WIPF1: variants seen among roughly 807,000 people sequenced by gnomAD.
The protein encoded by WIPF1 is WAS/WASL interacting protein family member 1.
A neutral mutation model predicts 35.4 loss-of-function variants in WIPF1; 13 were observed. That is an observed-to-expected ratio of 0.37 (90% confidence interval 0.24 to 0.58). WIPF1 has a LOEUF of 0.58. Ranked by LOEUF, WIPF1 falls within the 20% of genes least tolerant of loss-of-function variation. The pLI, the probability that WIPF1 is intolerant of heterozygous loss-of-function variation, is 0.74. For missense variants in WIPF1, 591 were observed against 667.0 expected (o/e 0.89, Z 1.25); for synonymous variants, 267 against 266.3 (o/e 1.00, Z -0.02).
intron 1 of WIPF1, among the ~76,000 whole-genome samples, chr2:174,631,739 T>C (rs1366094852): frequency 6.6e-6 from 1 of 152,204 alleles, no homozygotes; most frequent in Admixed American, 6.5e-5. Flanking sequence ...GGCCTCCAGA[T>C]TTGTTCATGC....
upstream of WIPF1, among the ~76,000 whole-genome samples, chr2:174,600,580 C>T (rs1251628217): frequency 6.6e-6 from 1 of 152,216 alleles, no homozygotes; most frequent in African/African-American, 2.4e-5. Context: ...GCCTGGTACA[C>T]TCATCTTTTT....
At chr2:174,589,375 G>A (rs1257035320) in intron 1 of WIPF1, among the ~76,000 whole-genome samples, 2 of 152,216 alleles carry the variant, frequency 1.3e-5, no homozygotes, top group Non-Finnish European at 2.9e-5. Flanking sequence ...CCCTATTTCA[G>A]AGGGGCTTGC....
intron 1 of WIPF1, among the ~76,000 whole-genome samples, chr2:174,654,420 G>A (rs1215093903): frequency 6.6e-6 from 1 of 151,986 alleles, no homozygotes; most frequent in Non-Finnish European, 1.5e-5. Context: ...TTTATATAAA[G>A]AGAAAGCTTG....
At chr2:174,599,891 T>C (rs190375411), upstream of WIPF1, among the ~76,000 whole-genome samples, 90 of 152,098 alleles carry the variant, frequency 5.9e-4, 1 homozygote, top group Non-Finnish European at 1.0e-3. Flanking sequence ...GAGTGGTCCC[T>C]AACCTTTTTG....
intron 1 of WIPF1, among the ~76,000 whole-genome samples, chr2:174,658,375 G>A (rs1036137724): frequency 6.6e-6 from 1 of 152,198 alleles, no homozygotes; most frequent in African/African-American, 2.4e-5. Flanking sequence ...TTAATTGGGT[G>A]AGTAGATGAA....
intron 2 of WIPF1, among the ~76,000 whole-genome samples, chr2:174,583,059 G>C (rs1685289295): frequency 6.6e-6 from 1 of 152,158 alleles, no homozygotes; most frequent in Admixed American, 6.5e-5. Context: ...TGGCAGTCAA[G>C]AGCCTTCCCT....
Position 174,616,323 on chromosome 2 carries a change from C to T in WIPF1, c.-38-30712G>A, listed in dbSNP as rs555029360. Reference sequence around the variant, plus strand: ...AGGTCAAGATGGAATAAAGAAAATACACTGAAAGAGAATCATGTGTCTATA... The same window carrying T: ...AGGTCAAGATGGAATAAAGAAAATATACTGAAAGAGAATCATGTGTCTATA... On this transcript the variant is annotated intron_variant, in intron 1 of 8. Coordinates refer to the WIPF1 transcript ENST00000272746. Among the ~76,000 whole-genome samples, 4 of 152,240 alleles carry T rather than the reference C, an allele frequency of 2.6e-5. No individual in the cohort carries two copies. The South Asian group carries it at 8.3e-4, about 32-fold the overall frequency.
In WIPF1 at chr2:174,616,379, C is replaced by A. The variant is rs78408290; in HGVS notation, c.-38-30768G>T. Among the ~76,000 whole-genome samples the A allele has an allele frequency of 7.6e-3, 1,154 of 152,280 alleles. 57 individuals carry two copies. The East Asian group carries it at 0.13, about 17-fold the overall frequency. ...ATTTCACACCTTCCTCTTCACGAGA[C>A]AGGGAGGCCTCGACCCCTGCTGGAA... is the stretch of plus-strand genomic sequence containing the variant. On this transcript the variant is annotated intron_variant, in intron 1 of 8. Coordinates refer to the WIPF1 transcript ENST00000272746.
At chr2:174,620,774 C>T (rs190632705) in intron 1 of WIPF1, among the ~76,000 whole-genome samples, 1 of 152,228 alleles carries the variant, frequency 6.6e-6, no homozygotes. Flanking sequence ...CACATGATGC[C>T]GTGGGGGTGC....
At chr2:174,634,349 G>A (rs752025437) in intron 1 of WIPF1, among the ~76,000 whole-genome samples, 5 of 152,194 alleles carry the variant, frequency 3.3e-5, no homozygotes, top group Non-Finnish European at 7.3e-5. Flanking sequence ...ATGGCTCAGC[G>A]TTTGTTCCTC....
chr2:174,618,987 G>C (rs1202099235), intron 1 of WIPF1, among the ~76,000 whole-genome samples: 1 of 152,044 alleles, frequency 6.6e-6, no homozygotes, highest in Non-Finnish European at 1.5e-5. Flanking sequence ...TTGAGAAAGG[G>C]TCTCACTGTG....
rs554240263 is a variant in WIPF1 at position 174,674,955 on chromosome 2, C to T, written c.-39+7819G>A. 5.3e-3 allele frequency among the ~76,000 whole-genome samples: 790 copies of T among 148,758 alleles called. 21 individuals are homozygous for T. The highest frequency in any genetic ancestry group is 0.01 in the South Asian group (48 of 4,722). On this transcript the variant is annotated intron_variant, in intron 1 of 8. Coordinates refer to the WIPF1 transcript ENST00000272746. ...ACACACACACACACACACAGATGTT[C>T]CAGGAAGAATGGTTGTAGTAGAAGA...
chr2:174,575,641 G>T (rs1685034948), intron 3 of WIPF1, among the ~76,000 whole-genome samples: 1 of 152,188 alleles, frequency 6.6e-6, no homozygotes, highest in Non-Finnish European at 1.5e-5. Context: ...CTGCCACATG[G>T]GTCAGTATCT....
intron 1 of WIPF1, among the ~76,000 whole-genome samples, chr2:174,669,653 C>G (rs951142661): frequency 1.3e-5 from 2 of 152,210 alleles, no homozygotes; most frequent in Non-Finnish European, 2.9e-5. Context: ...AGGCTGAGAA[C>G]TGCTTGAGGC....
At chr2:174,615,066 A>G (rs571703365) in intron 1 of WIPF1, among the ~76,000 whole-genome samples, 1 of 152,366 alleles carries the variant, frequency 6.6e-6, no homozygotes, top group South Asian at 2.1e-4. Flanking sequence ...GTATATAATC[A>G]GTCTTAAAAG....
At chr2:174,606,305 CA>C (rs1209101025) in intron 1 of WIPF1, among the ~76,000 whole-genome samples, 2 of 152,000 alleles carry the variant, frequency 1.3e-5, no homozygotes, top group African/African-American at 4.8e-5. Flanking sequence ...AAAATAGTAT[CA>C]AAAAAACCAA....
chr2:174,595,720 A>G (rs1685801086), intron 1 of WIPF1, among the ~76,000 whole-genome samples: 2 of 152,210 alleles, frequency 1.3e-5, no homozygotes, highest in South Asian at 4.1e-4. Flanking sequence ...GGAGATGTGT[A>G]TAAAGTGCAT....
chr2:174,568,222 A>G, intron 5 of WIPF1, 149 bp from the exon 6 acceptor site: 1 of 940,990 alleles, frequency 1.1e-6, no homozygotes, highest in Non-Finnish European at 1.5e-6. Flanking sequence ...AAATGAGTAA[A>G]CACACAGAAA....
chr2:174,559,896 A>T lies in WIPF1; in HGVS notation c.*2651T>A, dbSNP rs1342578388. 1 of 152,474 alleles carries T rather than the reference A, an allele frequency of 6.6e-6. No homozygotes were observed. The highest frequency in any genetic ancestry group is 1.9e-4 in the East Asian group (1 of 5,202). The allele number at this position is 152,474 out of a possible 1,614,324, so 9.4% of individuals were successfully genotyped here. ...TGCAAATAATCTACTACTTAGACAT[A>T]AAAAAAAGTTGATTTCTTTTAAATC... On this transcript the variant is annotated 3_prime_UTR_variant, in exon 8 of 8. Transcript: ENST00000679041.
Sources: allele counts gnomAD v4.1 joint callset (sites outside exome capture counted in the v4.1 genomes callset), GRCh38; gene constraint gnomAD v4.1.1; transcripts MANE v1.5; gene names NCBI Gene and HGNC (gene_info 2026-07-23, HGNC 2026-07-21).